ALMS1: variants seen among roughly 807,000 people sequenced by gnomAD.
The protein encoded by ALMS1 is centrosome-associated protein ALMS1.
ALMS1 carries 271 observed loss-of-function variants against 352.2 expected under a neutral mutation model. The observed-to-expected ratio is 0.77, with a 90% CI of 0.70 to 0.85. The LOEUF (loss-of-function observed/expected upper bound fraction) is 0.85. Ranked by LOEUF, ALMS1 falls within the 40% of genes least tolerant of loss-of-function variation. The pLI, the probability that ALMS1 is intolerant of heterozygous loss-of-function variation, is 0.00. For synonymous variants in ALMS1, 1,865 were observed against 1,761.2 expected (o/e 1.06, Z -1.48); for missense variants, 5,445 against 4,870.7 (o/e 1.12, Z -3.51).
intron 3 of ALMS1, 32 bp downstream of exon 3, chr2:73,419,350 A>G: frequency 6.3e-7 from 1 of 1,598,890 alleles, no homozygotes; most frequent in Non-Finnish European, 8.6e-7. Flanking sequence ...TAGTAGTAAT[A>G]CCTCACATTT....
chr2:73,514,047 A>G (rs1292394557), intron 10 of ALMS1, among the ~76,000 whole-genome samples: 3 of 152,090 alleles, frequency 2.0e-5, no homozygotes, highest in Non-Finnish European at 4.4e-5. Flanking sequence ...TAGGAAGCTT[A>G]TTTTTTGTTA....
chr2:73,537,015 TCC>T (rs1335201929), intron 12 of ALMS1, among the ~76,000 whole-genome samples: 1 of 152,168 alleles, frequency 6.6e-6, no homozygotes, highest in African/African-American at 2.4e-5. Flanking sequence ...TTTTAAAAGT[TCC>T]TTCCCAAAGA....
Position 73,448,101 on chromosome 2 carries a change from C to T in ALMS1, c.1574C>T (p.Pro525Leu). The T allele has an allele frequency of 7.4e-7, 1 of 1,358,738 alleles. No individual in the cohort carries two copies. The highest frequency in any genetic ancestry group is 1.0e-6 in the Non-Finnish European group (1 of 1,003,770). 84.2% of individuals were successfully genotyped at this position (1,358,738 alleles called of 1,614,324 possible). The change falls in exon 8 of 23, where the codon CCT becomes CTT. Residue 525 changes from proline to leucine, a missense_variant. Coordinates refer to ENST00000613296, the MANE Select transcript of ALMS1 (RefSeq NM_001378454.1). ...CTGTCTCAGTTGGCTGTAAGTTCTC[C>T]TCTAGAAACTACTACTGGTCAACAC... The part of the protein sequence containing the change: ...EDLSQLAVSS[P>L]LETTTGQHTD...
intron 10 of ALMS1, among the ~76,000 whole-genome samples, chr2:73,515,284 G>A (rs1024563294): frequency 2.8e-4 from 43 of 152,006 alleles, no homozygotes; most frequent in African/African-American, 9.9e-4. Context: ...GTTTTCTGTT[G>A]AGATTTTCCA....
chr2:73,481,111 T>C (rs1025875031), intron 9 of ALMS1, among the ~76,000 whole-genome samples: 2 of 152,198 alleles, frequency 1.3e-5, no homozygotes, highest in African/African-American at 4.8e-5. Context: ...TTGTCTTTTG[T>C]TGCCATTGCT....
chr2:73,552,102 G>A (rs2104041636), intron 13 of ALMS1, among the ~76,000 whole-genome samples: 1 of 152,242 alleles, frequency 6.6e-6, no homozygotes, highest in South Asian at 2.1e-4. Flanking sequence ...TGTGCACAAT[G>A]TGCAGGTTAG....
chr2:73,487,135 A>G lies in ALMS1; in HGVS notation c.7675-2499A>G, dbSNP rs576701869. Among the ~76,000 whole-genome samples, 15 of 152,306 alleles carry G rather than the reference A, an allele frequency of 9.8e-5. No homozygotes were observed. In the East Asian group the frequency reaches 2.7e-3, roughly 27 times the overall value. ...GCTGGAAACCACTGTGGCCAGCAGCACCTTCTGCCTGAGTATTGTTCACAC... is the reference window on the plus strand; with the variant it reads ...GCTGGAAACCACTGTGGCCAGCAGCGCCTTCTGCCTGAGTATTGTTCACAC... On this transcript the variant is annotated intron_variant, in intron 9 of 22. Coordinates refer to ENST00000613296, the MANE Select transcript of ALMS1 (RefSeq NM_001378454.1).
chr2:73,395,734 T>C (rs901551993), intron 1 of ALMS1, among the ~76,000 whole-genome samples: 3 of 152,192 alleles, frequency 2.0e-5, no homozygotes, highest in African/African-American at 7.2e-5. Flanking sequence ...AGGGCAAATA[T>C]ATATAGCTTT....
intron 12 of ALMS1, among the ~76,000 whole-genome samples, chr2:73,535,318 T>C (rs114602677): frequency 0.035 from 5,272 of 152,258 alleles, 316 homozygotes; most frequent in African/African-American, 0.12. Context: ...AGAACATAAA[T>C]ACTAATTGTT....
At chr2:73,514,452 C>A (rs945848104) in intron 10 of ALMS1, among the ~76,000 whole-genome samples, 2 of 152,072 alleles carry the variant, frequency 1.3e-5, no homozygotes, top group African/African-American at 4.8e-5. Context: ...TTTACTCACT[C>A]CTCCTATTTG....
At chr2:73,591,238 A>T (rs1675426811) in intron 16 of ALMS1, among the ~76,000 whole-genome samples, 1 of 152,204 alleles carries the variant, frequency 6.6e-6, no homozygotes, top group Non-Finnish European at 1.5e-5. Context: ...TTAAAAAATT[A>T]TCCTGCTTTA....
chr2:73,386,236 G>A, intron 1 of ALMS1, 44 bp downstream of exon 1: 2 of 1,463,816 alleles, frequency 1.4e-6, no homozygotes, highest in Non-Finnish European at 1.8e-6. Context: ...GCGAGTTGGG[G>A]GTGGAGGCTG....
chr2:73,578,397 C>CT (rs1675098288), intron 16 of ALMS1, among the ~76,000 whole-genome samples: 1 of 152,138 alleles, frequency 6.6e-6, no homozygotes, highest in Non-Finnish European at 1.5e-5. Context: ...AAAGGACTTA[C>CT]TTTCCCCGTG....
intron 7 of ALMS1, among the ~76,000 whole-genome samples, chr2:73,442,074 T>C (rs997831262): frequency 1.8e-4 from 27 of 152,266 alleles, no homozygotes; most frequent in African/African-American, 5.8e-4. Context: ...ATAGCTGACA[T>C]TTATTGCTTG....
chr2:73,419,357 A>G, intron 3 of ALMS1, 39 bp downstream of exon 3: 1 of 1,593,560 alleles, frequency 6.3e-7, no homozygotes, highest in Non-Finnish European at 8.6e-7. Flanking sequence ...AATACCTCAC[A>G]TTTGTAAGTT....
chr2:73,542,395 A>G (rs1202263426), intron 12 of ALMS1, among the ~76,000 whole-genome samples: 1 of 152,190 alleles, frequency 6.6e-6, no homozygotes, highest in African/African-American at 2.4e-5. Flanking sequence ...ATCTATGACA[A>G]ACCCACAGCC....
intron 16 of ALMS1, among the ~76,000 whole-genome samples, chr2:73,598,928 C>T (rs1178282312): frequency 6.6e-6 from 1 of 152,124 alleles, no homozygotes; most frequent in African/African-American, 2.4e-5. Flanking sequence ...CAATGCTCTA[C>T]TCATCAGGAC....
At chr2:73,465,568 A>G (rs1429913369) in intron 9 of ALMS1, among the ~76,000 whole-genome samples, 1 of 152,250 alleles carries the variant, frequency 6.6e-6, no homozygotes, top group Non-Finnish European at 1.5e-5. Flanking sequence ...CATTCAGGAC[A>G]TAGGCATGGG....
intron 7 of ALMS1, among the ~76,000 whole-genome samples, chr2:73,439,162 A>G (rs1470152038): frequency 7.2e-6 from 1 of 139,500 alleles, no homozygotes; most frequent in East Asian, 2.0e-4. Context: ...TCTGTTGCCC[A>G]GGCTGGAGTG....
Sources: allele counts gnomAD v4.1 joint callset (sites outside exome capture counted in the v4.1 genomes callset), GRCh38; gene constraint gnomAD v4.1.1; transcripts MANE v1.5; gene names NCBI Gene and HGNC (gene_info 2026-07-23, HGNC 2026-07-21).